Variants in MUC4 observed in about 807,000 individuals in gnomAD.
The protein encoded by MUC4 is mucin 4, cell surface associated.
In MUC4, 202 loss-of-function variants were observed where a neutral mutation model predicts 257.9. The observed-to-expected ratio is 0.78, with a 90% CI of 0.70 to 0.88. MUC4 has a LOEUF of 0.88. Among genes scored for constraint, MUC4 ranks in the 40% least tolerant of loss-of-function variants. MUC4 has a pLI of 0.00. For synonymous variants in MUC4, 2,351 were observed against 2,757.1 expected, an observed-to-expected ratio of 0.85 and a Z score of 4.62; for missense variants, 5,976 against 6,513.7, an observed-to-expected ratio of 0.92 and a Z score of 2.84.
At chr3:195,805,107 C>T (rs1252722092) in intron 1 of MUC4, among the ~76,000 whole-genome samples, 1 of 150,652 alleles carries the variant, frequency 6.6e-6, no homozygotes, top group East Asian at 1.9e-4. Context: ...GTCGCCCAGG[C>T]AGGAGTGCAG....
chr3:195,775,330 C>T (rs1724151340), intron 3 of MUC4, among the ~76,000 whole-genome samples: 1 of 42,370 alleles, frequency 2.4e-5, no homozygotes, highest in Non-Finnish European at 4.5e-5. Context: ...CTTCGGGGAT[C>T]CACCCCCATG....
Position 195,791,063 on chromosome 3 carries a change from C to CT in MUC4, c.516dup (p.Ala173SerfsTer72). The CT allele has an allele frequency of 6.2e-7, 1 of 1,613,688 alleles. No individual in the cohort carries two copies. Among genetic ancestry groups the CT allele is most frequent in the Non-Finnish European group, 8.5e-7 (1 of 1,179,874 alleles). ...GTTCGTGATTGTCCTTCCTGTCCAGCTGTTATTGAGACTGCTGAGGTCACT... is the reference window on the plus strand; with the variant it reads ...GTTCGTGATTGTCCTTCCTGTCCAGCTTGTTATTGAGACTGCTGAGGTCACT... On this transcript the variant is annotated frameshift_variant, in exon 2 of 25. Coordinates refer to ENST00000463781, the MANE Select transcript of MUC4 (RefSeq NM_018406.7). LOFTEE classifies it high-confidence loss of function.
Position 195,779,341 on chromosome 3 carries a change from G to A in MUC4, c.12239C>T (p.Thr4080Ile), listed in dbSNP as rs1553868879. The A allele has an allele frequency of 9.2e-7, 1 of 1,085,098 alleles. No individual in the cohort carries two copies. The highest frequency in any genetic ancestry group is 2.1e-5 in the African/African-American group (1 of 47,796). The allele number at this position is 1,085,098 out of a possible 1,614,324, so 67.2% of individuals were successfully genotyped here. A position where few individuals can be genotyped will look rare whatever the true frequency, so the allele number is the denominator to read the frequency against. Residue 4080 changes from threonine (T) to isoleucine (I), a missense_variant, in exon 2 of 25, where the codon ACT (threonine) becomes ATT (isoleucine). Thr to Ile is a moderately conservative substitution (Grantham distance 89, BLOSUM62 -1). Transcript: ENST00000463781. ...PSSASRGDTS[T>I]LPVTDASSAS... ...TGAGGAAGCATCGGTGACAGGAAGA[G>A]TGCTGGTGTCACCTCTGGATGCTGA... is the stretch of plus-strand genomic sequence containing the variant.
At chr3:195,805,446 G>T (rs1393854941) in intron 1 of MUC4, among the ~76,000 whole-genome samples, 2 of 152,124 alleles carry the variant, frequency 1.3e-5, no homozygotes, top group Non-Finnish European at 2.9e-5. Context: ...CCACCATCTT[G>T]GTGTTGCCAC....
intron 1 of MUC4, among the ~76,000 whole-genome samples, chr3:195,793,149 GA>G (rs1243893906): frequency 7.5e-6 from 1 of 133,290 alleles, no homozygotes. Flanking sequence ...GAAATAAAAA[GA>G]AAAAATGAAA....
intron 1 of MUC4, among the ~76,000 whole-genome samples, chr3:195,792,825 C>T (rs1734038701): frequency 1.3e-5 from 2 of 152,144 alleles, no homozygotes; most frequent in Non-Finnish European, 2.9e-5. Flanking sequence ...GGATCACGTC[C>T]TTTGCAGGTA....
rs1343354667 is a variant in MUC4, at chr3:195,780,251, G to C, written c.11329C>G (p.Leu3777Val). 9 of 1,524,480 alleles carry C rather than the reference G, an allele frequency of 5.9e-6. No individual in the cohort carries two copies. Among genetic ancestry groups the C allele is most frequent in the African/African-American group, 1.4e-5 (1 of 71,852 alleles). The allele number at this position is 1,524,480 out of a possible 1,614,324, so 94.4% of individuals were successfully genotyped here. Residue 3777 changes from leucine to valine, a missense_variant, in exon 2 of 25, where the codon CTT (leucine) becomes GTT (valine). Transcript: ENST00000463781. ...SSVSTGHATPLPVTDASSAST... is the reference protein window; with the variant it reads ...SSVSTGHATPVPVTDASSAST... Reference sequence around the variant, plus strand: ...GCTGAGGAAGCGTCGGTGACAGGAAGAGGCGTGGCGTGACCTGTGGACACT... The same window carrying C: ...GCTGAGGAAGCGTCGGTGACAGGAACAGGCGTGGCGTGACCTGTGGACACT...
chr3:195,762,900 C>G lies in MUC4; in HGVS notation c.14299G>C (p.Asp4767His). 1 of 1,574,762 alleles carries G rather than the reference C, an allele frequency of 6.4e-7. No individual in the cohort carries two copies. Among genetic ancestry groups the G allele is most frequent in the Non-Finnish European group, 8.6e-7 (1 of 1,161,312 alleles). ...EPHDAIRVLLDNQTVTFQPDH... is the reference protein window; with the variant it reads ...EPHDAIRVLLHNQTVTFQPDH... ...GGCTGAAATGTCACAGTCTGGTTATCCAGCAGGACACGGATTGCGTCGTGA... is the reference window on the plus strand; with the variant it reads ...GGCTGAAATGTCACAGTCTGGTTATGCAGCAGGACACGGATTGCGTCGTGA... The change falls in exon 13 of 25, where the codon GAT (aspartate) becomes CAT (histidine). Residue 4767 changes from aspartate to histidine, a missense_variant. Physicochemically the swap from Asp to His is moderately conservative, Grantham distance 81. This residue lies in a region of MUC4 where 996 missense variants were observed against 1,137.3 expected (regional missense o/e 0.88). Transcript: ENST00000463781.
In MUC4 at chr3:195,779,789, T is replaced by A; in HGVS notation, c.11791A>T (p.Thr3931Ser). 9.6e-7 allele frequency: 1 copy of A among 1,044,622 alleles called. No homozygotes were observed. The highest frequency in any genetic ancestry group is 1.3e-6 in the Non-Finnish European group (1 of 780,748). 64.7% of individuals were successfully genotyped at this position (1,044,622 alleles called of 1,614,324 possible). ...LPVTDVSSAS[T>S]GHATPLPVTS... ...ACAGGAAGAGGGGTGGCATGTCCTGTGGATGCCGAGGAAACGTCGGTGACA... is the reference window on the plus strand; with the variant it reads ...ACAGGAAGAGGGGTGGCATGTCCTGAGGATGCCGAGGAAACGTCGGTGACA... Residue 3931 changes from threonine to serine, a missense_variant, in exon 2 of 25, where the codon ACA (threonine) becomes TCA (serine). Physicochemically the swap from Thr to Ser is moderately conservative, Grantham distance 58. This residue lies in a region of MUC4 where 10 missense variants were observed against 27.7 expected (regional missense o/e 0.36). Coordinates refer to ENST00000463781, the MANE Select transcript of MUC4 (RefSeq NM_018406.7).
chr3:195,767,775 C>T lies in MUC4; in HGVS notation c.13530-1024G>A, dbSNP rs867518683. Among the ~76,000 whole-genome samples, 147 of 106,622 alleles carry T rather than the reference C, an allele frequency of 1.4e-3. 2 individuals are homozygous for T. The highest frequency in any genetic ancestry group is 2.0e-3 in the Non-Finnish European group (106 of 52,022). 69.9% of individuals were successfully genotyped at this position (106,622 alleles called of 152,430 possible). A position where few individuals can be genotyped will look rare whatever the true frequency, so the allele number is the denominator to read the frequency against. On this transcript the variant is annotated intron_variant, in intron 7 of 24. Coordinates refer to ENST00000463781, the MANE Select transcript of MUC4 (RefSeq NM_018406.7). ...ACCACCACCATCACCACCACCACCA[C>T]CATCACCACCATCATTGCCACCACC... is the stretch of plus-strand genomic sequence containing the variant.
chr3:195,762,347 C>T (rs976096089), intron 13 of MUC4, 93 bp from the exon 14 acceptor site: 23 of 1,358,834 alleles, frequency 1.7e-5, no homozygotes, highest in South Asian at 8.5e-5. Flanking sequence ...ACCCCCACCC[C>T]GCCCCTGGGG....
At chr3:195,767,610 T>C (rs980952144) in intron 7 of MUC4, among the ~76,000 whole-genome samples, 95 of 9,828 alleles carry the variant, frequency 9.7e-3, no homozygotes, top group Non-Finnish European at 0.013. Flanking sequence ...TCATCACCAT[T>C]GCCACCACCA....
At chr3:195,753,450 G>A in intron 19 of MUC4, 1 of 559,764 alleles carries the variant, frequency 1.8e-6, no homozygotes, top group East Asian at 3.3e-5. Context: ...TGGAGGGACT[G>A]GAGTGTTTCT....
chr3:195,806,834 T>C (rs893789521), intron 1 of MUC4, among the ~76,000 whole-genome samples: 12 of 152,366 alleles, frequency 7.9e-5, no homozygotes, highest in African/African-American at 2.6e-4. Flanking sequence ...GACGCATTCA[T>C]CTTCCTGTCC....
chr3:195,760,794 A>G lies in MUC4; in HGVS notation c.14848+90T>C, dbSNP rs1289054756. ...GTGGAAGAATCTGCTCAGTGAATGC[A>G]GATGCACAGGGAAAAGCAGGGTCAG... On this transcript the variant is annotated intron_variant, in intron 16 of 24. Coordinates refer to ENST00000463781, the MANE Select transcript of MUC4 (RefSeq NM_018406.7). 1.1e-5 allele frequency: 12 copies of G among 1,046,596 alleles called. 1 individual carries two copies. The highest frequency in any genetic ancestry group is 7.9e-5 in the African/African-American group (5 of 63,610). 64.8% of individuals were successfully genotyped at this position (1,046,596 alleles called of 1,614,324 possible). A position where few individuals can be genotyped will look rare whatever the true frequency, so the allele number is the denominator to read the frequency against.
intron 23 of MUC4, among the ~76,000 whole-genome samples, chr3:195,749,518 C>T (rs1181929179): frequency 6.6e-6 from 1 of 152,102 alleles, no homozygotes; most frequent in Non-Finnish European, 1.5e-5. Context: ...CATAATAGCA[C>T]TTATGCTGCT....
chr3:195,785,895 G>C lies in MUC4; in HGVS notation c.5685C>G (p.Asn1895Lys), dbSNP rs1208709937. Residue 1895 changes from asparagine to lysine, a missense_variant, in exon 2 of 25, where the codon AAC (asparagine) becomes AAG (lysine). This residue lies in a region of MUC4 where 87 missense variants were observed against 104.6 expected (regional missense o/e 0.83). Coordinates refer to ENST00000463781, the MANE Select transcript of MUC4 (RefSeq NM_018406.7). ...DTTPLPVTDT[N>K]SASTGDTTPL... Reference sequence around the variant, plus strand: ...GGGTGGTGTCACCTGTGGATGCTGAGTTAGTGTCGGTGACAGGAAGAGGGG... The same window carrying C: ...GGGTGGTGTCACCTGTGGATGCTGACTTAGTGTCGGTGACAGGAAGAGGGG... The C allele has an allele frequency of 1.3e-6, 2 of 1,491,546 alleles. No homozygotes were observed. Among genetic ancestry groups the C allele is most frequent in the Non-Finnish European group, 1.8e-6 (2 of 1,109,846 alleles). The allele number at this position is 1,491,546 out of a possible 1,614,324, so 92.4% of individuals were successfully genotyped here.
chr3:195,774,335 C>G, intron 3 of MUC4, 30 bp from the exon 4 acceptor site: 8 of 1,493,912 alleles, frequency 5.4e-6, no homozygotes, highest in Non-Finnish European at 7.1e-6. Flanking sequence ...AGCAGGAAGT[C>G]CAAGTGGGCC....
intron 10 of MUC4, among the ~76,000 whole-genome samples, chr3:195,764,704 A>G (rs1343361248): frequency 1.3e-5 from 2 of 152,024 alleles, no homozygotes; most frequent in African/African-American, 4.8e-5. Flanking sequence ...CATCCTGCTC[A>G]TCTGGGTCTA....
Sources: gnomAD v4.1 joint callset for allele counts (sites outside exome capture counted in the v4.1 genomes callset) on GRCh38, gnomAD v4.1.1 for gene constraint, gnomAD v4.1.1 regional missense constraint, MANE v1.5 for transcripts, NCBI Gene and HGNC (gene_info 2026-07-23, HGNC 2026-07-21) for gene names.